Variants in AGAP1 observed in about 807,000 individuals in gnomAD.
AGAP1 encodes the protein ArfGAP with GTPase domain, ankyrin repeat and PH domain 1.
A neutral mutation model predicts 105.3 loss-of-function variants in AGAP1; 29 were observed. That is an observed-to-expected ratio of 0.28 (90% CI 0.21 to 0.38). The LOEUF is 0.38. Ranked by LOEUF, AGAP1 falls within the 10% of genes least tolerant of loss-of-function variation. The pLI, the probability that AGAP1 is intolerant of heterozygous loss-of-function variation, is 1.00. For missense variants in AGAP1, 998 were observed against 1,165.1 expected, an observed-to-expected ratio of 0.86 and a Z score of 2.09; for synonymous variants, 509 against 485.9, an observed-to-expected ratio of 1.05 and a Z score of -0.63.
intron 13 of AGAP1, among the ~76,000 whole-genome samples, chr2:236,026,356 G>A (rs952454301): frequency 6.6e-6 from 1 of 152,244 alleles, no homozygotes; most frequent in Non-Finnish European, 1.5e-5. Context: ...GGAAGGCCCA[G>A]AGGACCACCA....
In AGAP1 at chr2:235,788,624, C is replaced by G. The variant is rs999278408; in HGVS notation, c.674-9135C>G. Among the ~76,000 whole-genome samples the G allele has an allele frequency of 6.6e-6, 1 of 151,918 alleles. No homozygotes were observed. The highest frequency in any genetic ancestry group is 6.6e-5 in the Admixed American group (1 of 15,252). On this transcript the variant is annotated intron_variant, in intron 6 of 17. Coordinates refer to ENST00000304032, the MANE Select transcript of AGAP1 (RefSeq NM_001037131.3). This position sits in a 1 kb window ranked among gnomAD's most constrained non-coding sequence, Gnocchi z 6.0. Reference sequence around the variant, plus strand: ...CCATCGGTGTCGTCAGTGCACATCCCGGTGCTTGGAACTGACTGGTGGGCG... The same window carrying G: ...CCATCGGTGTCGTCAGTGCACATCCGGGTGCTTGGAACTGACTGGTGGGCG...
Position 235,721,339 on chromosome 2 carries a change from A to G in AGAP1, c.310+3695A>G, listed in dbSNP as rs1308340134. Among the ~76,000 whole-genome samples, 2 of 152,212 alleles carry G rather than the reference A, an allele frequency of 1.3e-5. No individual in the cohort carries two copies. The highest frequency in any genetic ancestry group is 2.9e-5 in the Non-Finnish European group (2 of 68,044). ...TAGATAATTTTAAAGATGCAGTTCA[A>G]ATGAGGGAAGGATATAAATATTCTG... is the stretch of plus-strand genomic sequence containing the variant. On this transcript the variant is annotated intron_variant, in intron 3 of 17. Coordinates refer to ENST00000304032, the MANE Select transcript of AGAP1 (RefSeq NM_001037131.3). The surrounding 1 kb of genome is among the most constrained non-coding windows in gnomAD (Gnocchi z 4.5).
chr2:235,783,239 G>A (rs1266960744), intron 6 of AGAP1: 2 of 398,130 alleles, frequency 5.0e-6, no homozygotes, highest in Admixed American at 3.4e-5. Flanking sequence ...CAAGATTTGG[G>A]GATTAAAAAA....
rs998510188 is a variant in AGAP1, at chr2:235,625,142, G to A, written c.164-84037G>A. On this transcript the variant is annotated intron_variant, in intron 1 of 17. Coordinates refer to ENST00000304032, the MANE Select transcript of AGAP1 (RefSeq NM_001037131.3). This position sits in a 1 kb window ranked among gnomAD's most constrained non-coding sequence, Gnocchi z 4.0. Reference sequence around the variant, plus strand: ...TGATCATTGGATGAGGAAGGCTCTCGGAATCATTCCAGGTGCCTGCTCTAG... The same window carrying A: ...TGATCATTGGATGAGGAAGGCTCTCAGAATCATTCCAGGTGCCTGCTCTAG... Among the ~76,000 whole-genome samples the A allele has an allele frequency of 1.3e-5, 2 of 152,134 alleles. No homozygotes were observed. Among genetic ancestry groups the A allele is most frequent in the African/African-American group, 4.8e-5 (2 of 41,428 alleles).
At chr2:235,921,624 C>T (rs1050422435) in intron 11 of AGAP1, among the ~76,000 whole-genome samples, 1 of 152,178 alleles carries the variant, frequency 6.6e-6, no homozygotes, top group African/African-American at 2.4e-5. Flanking sequence ...GTAGTAATTA[C>T]ATCTGTCATT....
At chr2:235,796,937 G>A (rs1277476354) in intron 6 of AGAP1, among the ~76,000 whole-genome samples, 1 of 152,152 alleles carries the variant, frequency 6.6e-6, no homozygotes, top group Non-Finnish European at 1.5e-5. Flanking sequence ...ATTACATTCA[G>A]TATGCTTTAT....
chr2:235,729,509 G>A lies in AGAP1; in HGVS notation c.311-11454G>A, dbSNP rs1409874812. Among the ~76,000 whole-genome samples the A allele has an allele frequency of 1.3e-5, 2 of 152,086 alleles. No individual in the cohort carries two copies. Among genetic ancestry groups the A allele is most frequent in the South Asian group, 2.1e-4 (1 of 4,816 alleles). ...GAGGATGCTGTAGGGGCAGTCTCACGGCGGTCTCACCTCTGCCACCTGTGG... is the reference window on the plus strand; with the variant it reads ...GAGGATGCTGTAGGGGCAGTCTCACAGCGGTCTCACCTCTGCCACCTGTGG... On this transcript the variant is annotated intron_variant, in intron 3 of 17. Transcript: ENST00000304032. The surrounding 1 kb of genome is among the most constrained non-coding windows in gnomAD (Gnocchi z 5.0).
Position 235,729,237 on chromosome 2 carries a change from A to G in AGAP1, c.310+11593A>G, listed in dbSNP as rs932841383. Among the ~76,000 whole-genome samples, 3 of 152,188 alleles carry G rather than the reference A, an allele frequency of 2.0e-5. No individual in the cohort carries two copies. The highest frequency in any genetic ancestry group is 7.2e-5 in the African/African-American group (3 of 41,452). ...TAACTAGGGCGTGTGCCCCTTGAGG[A>G]GCCGCATCCGCTTATTGGGCCTAAG... is the stretch of plus-strand genomic sequence containing the variant. On this transcript the variant is annotated intron_variant, in intron 3 of 17. Coordinates refer to ENST00000304032, the MANE Select transcript of AGAP1 (RefSeq NM_001037131.3). This position sits in a 1 kb window ranked among gnomAD's most constrained non-coding sequence, Gnocchi z 5.0.
At position 236,049,243 on chromosome 2, in the gene AGAP1, C is replaced by T; in HGVS notation, c.2076C>T (p.Ser692=). Residue 692 remains serine, a synonymous_variant, in exon 16 of 18, where the codon AGC becomes AGT. Coordinates refer to ENST00000304032, the MANE Select transcript of AGAP1 (RefSeq NM_001037131.3). The part of the protein sequence containing the change: ...NELANSVWEE[S]SQGRTKPSVD... ...TAGCCAACAGCGTCTGGGAAGAGAG[C>T]AGCCAGGGGCGGACGAAACCATCGG... The T allele has an allele frequency of 6.2e-7, 1 of 1,614,200 alleles. No individual in the cohort carries two copies. The highest frequency in any genetic ancestry group is 1.1e-5 in the South Asian group (1 of 91,082).
At chr2:235,812,547 G>A (rs572176527) in intron 9 of AGAP1, among the ~76,000 whole-genome samples, 2 of 152,358 alleles carry the variant, frequency 1.3e-5, no homozygotes, top group East Asian at 1.9e-4. Context: ...GCCTAATGAC[G>A]CCAGCGTTAA....
In AGAP1 at chr2:235,798,012, T is replaced by C. The variant is rs1957322476; in HGVS notation, c.801+126T>C. 7 of 1,207,634 alleles carry C rather than the reference T, an allele frequency of 5.8e-6. No homozygotes were observed. In the South Asian group the frequency reaches 7.5e-5, roughly 13 times the overall value. 74.8% of individuals were successfully genotyped at this position (1,207,634 alleles called of 1,614,324 possible). On this transcript the variant is annotated intron_variant, in intron 7 of 17. Coordinates refer to ENST00000304032, the MANE Select transcript of AGAP1 (RefSeq NM_001037131.3). ...CTTTATAAGTAACAGCATGTTGTAA[T>C]TGACTTCACATTTTCTTCAGAAACT...
At chr2:235,618,859 G>T (rs918138343) in intron 1 of AGAP1, among the ~76,000 whole-genome samples, 3 of 152,154 alleles carry the variant, frequency 2.0e-5, no homozygotes, top group East Asian at 3.9e-4. Context: ...GTTGGCAAAA[G>T]AAATTAAGTT....
intron 13 of AGAP1, among the ~76,000 whole-genome samples, chr2:235,985,963 AT>A (rs1038705305): frequency 2.6e-5 from 4 of 152,090 alleles, no homozygotes; most frequent in African/African-American, 7.2e-5. Context: ...GTCTTCTTTG[AT>A]TCCATATGAA....
intron 13 of AGAP1, among the ~76,000 whole-genome samples, chr2:236,018,765 T>C (rs1351557156): frequency 6.6e-6 from 1 of 152,110 alleles, no homozygotes; most frequent in African/African-American, 2.4e-5. Context: ...AAGTCCCAAT[T>C]CGAGCCCGTC....
intron 16 of AGAP1, among the ~76,000 whole-genome samples, chr2:236,070,444 C>T (rs1406654089): frequency 6.6e-6 from 1 of 152,152 alleles, no homozygotes; most frequent in Non-Finnish European, 1.5e-5. Flanking sequence ...CACCCCTAGG[C>T]GTATCCACAA....
intron 3 of AGAP1, among the ~76,000 whole-genome samples, chr2:235,730,618 T>C (rs1951894741): frequency 6.6e-6 from 1 of 152,148 alleles, no homozygotes; most frequent in Admixed American, 6.5e-5. Context: ...AGTGCTGGTA[T>C]TACAGGTGTG....
intron 6 of AGAP1, among the ~76,000 whole-genome samples, chr2:235,783,864 A>G (rs1472596011): frequency 6.6e-6 from 1 of 152,154 alleles, no homozygotes; most frequent in African/African-American, 2.4e-5. Flanking sequence ...TGTACATTTA[A>G]TCTCAAAAAA....
At chr2:235,704,969 C>CTTTTTTTT (rs969370505) in intron 1 of AGAP1, among the ~76,000 whole-genome samples, 39 of 59,722 alleles carry the variant, frequency 6.5e-4, no homozygotes, top group East Asian at 9.3e-4. Flanking sequence ...ATGCTTTTTT[C>CTTTTTTTT]TTTTTTTTTT....
chr2:235,547,170 A>G (rs1485871756), intron 1 of AGAP1, among the ~76,000 whole-genome samples: 2 of 152,072 alleles, frequency 1.3e-5, no homozygotes, highest in African/African-American at 4.8e-5. Context: ...TGGCTTTGGG[A>G]CACCATCAAC....
Sources: gnomAD v4.1 joint callset for allele counts (sites outside exome capture counted in the v4.1 genomes callset) on GRCh38, gnomAD v4.1.1 for gene constraint, Gnocchi (gnomAD v3.1) non-coding constraint, MANE v1.5 for transcripts, NCBI Gene and HGNC (gene_info 2026-07-23, HGNC 2026-07-21) for gene names.